The following ATP2C2 variants were observed in gnomAD, a reference collection of about 807,000 sequenced individuals.
The protein encoded by ATP2C2 is ATPase secretory pathway Ca2+ transporting 2.
Under a neutral mutation model 110.8 loss-of-function variants are expected in ATP2C2, and 171 were observed. The observed-to-expected ratio is 1.54, with a 90% CI of 1.36 to 1.75. The LOEUF (loss-of-function observed/expected upper bound fraction) is 1.75, where lower values mean the gene tolerates loss of function less well. Ranked by LOEUF, ATP2C2 falls within the 40% of genes most tolerant of loss-of-function variation. The pLI is 0.00. For missense variants in ATP2C2, 1,963 were observed against 1,235.0 expected, an observed-to-expected ratio of 1.59 and a Z score of -8.84; for synonymous variants, 804 against 508.4, an observed-to-expected ratio of 1.58 and a Z score of -7.82.
chr16:84,380,332 G>A (rs533305179), intron 1 of ATP2C2, among the ~76,000 whole-genome samples: 1 of 152,150 alleles, frequency 6.6e-6, no homozygotes, highest in African/African-American at 2.4e-5. Flanking sequence ...TATCTTGTGT[G>A]AACCGGGAAT....
At chr16:84,436,180 G>A (rs375346849) in intron 11 of ATP2C2, among the ~76,000 whole-genome samples, 4 of 152,192 alleles carry the variant, frequency 2.6e-5, no homozygotes, top group Admixed American at 1.3e-4. Flanking sequence ...TGTTTTGTTT[G>A]AACTGTATCT....
chr16:84,410,170 C>T (rs1173623480), intron 4 of ATP2C2, among the ~76,000 whole-genome samples: 1 of 152,182 alleles, frequency 6.6e-6, no homozygotes, highest in Admixed American at 6.5e-5. Flanking sequence ...GATCACACCA[C>T]TGCACTCCAG....
chr16:84,383,634 C>A (rs939044468), intron 1 of ATP2C2, among the ~76,000 whole-genome samples: 3 of 152,134 alleles, frequency 2.0e-5, no homozygotes, highest in African/African-American at 7.2e-5. Flanking sequence ...GGTCTCTCAG[C>A]ATCGTCAGTA....
rs1479094043 is a variant in ATP2C2 at position 84,410,598 on chromosome 16, A to T, written c.448A>T (p.Ile150Phe). 5 of 1,614,072 alleles carry T rather than the reference A, an allele frequency of 3.1e-6. No individual in the cohort carries two copies. Among genetic ancestry groups the T allele is most frequent in the Non-Finnish European group, 4.2e-6 (5 of 1,180,006 alleles). The part of the protein sequence containing the change: ...AVLVVVTVAF[I>F]QEYRSEKSLE... ...GCTTGTCGTGGTCACTGTCGCCTTC[A>T]TCCAGGTGAGTATTTCCTGAGGTCC... The change falls in exon 5 of 27, where the codon ATC (isoleucine) becomes TTC (phenylalanine). Residue 150 changes from isoleucine (I) to phenylalanine (F), a missense_variant. By Grantham distance (21) the Ile-to-Phe change is conservative (BLOSUM62 0). Coordinates refer to ENST00000262429, the MANE Select transcript of ATP2C2 (RefSeq NM_014861.4).
intron 1 of ATP2C2, among the ~76,000 whole-genome samples, chr16:84,398,032 T>C (rs1159607504): frequency 6.6e-6 from 1 of 151,814 alleles, no homozygotes; most frequent in Non-Finnish European, 1.5e-5. Context: ...TGTTTCTTAA[T>C]TTGGGGGCTG....
intron 20 of ATP2C2, among the ~76,000 whole-genome samples, chr16:84,454,204 A>T (rs79065102): frequency 0.013 from 1,945 of 152,240 alleles, 56 homozygotes; most frequent in African/African-American, 0.045. Flanking sequence ...GCTGATTCAC[A>T]GGGTTGGTAG....
At chr16:84,375,918 G>C (rs944582066) in intron 1 of ATP2C2, among the ~76,000 whole-genome samples, 1 of 152,100 alleles carries the variant, frequency 6.6e-6, no homozygotes, top group African/African-American at 2.4e-5. Flanking sequence ...AGAAAGGATT[G>C]TGGGTTTTTA....
chr16:84,373,795 C>G (rs1023847612), intron 1 of ATP2C2, among the ~76,000 whole-genome samples: 1 of 152,168 alleles, frequency 6.6e-6, no homozygotes, highest in Non-Finnish European at 1.5e-5. Context: ...CACTACTTAT[C>G]TAGTTTTGTT....
chr16:84,454,133 T>C (rs1371487072), intron 20 of ATP2C2, among the ~76,000 whole-genome samples: 2 of 151,900 alleles, frequency 1.3e-5, no homozygotes, highest in East Asian at 1.9e-4. Flanking sequence ...TTTATTCCTT[T>C]TACTCAACTC....
chr16:84,442,506 T>A lies in ATP2C2; in HGVS notation c.1312-4T>A. On this transcript the variant is annotated splice_polypyrimidine_tract_variant and splice_region_variant and intron_variant, in intron 14 of 26. Coordinates refer to ENST00000262429, the MANE Select transcript of ATP2C2 (RefSeq NM_014861.4). ...CTACAGATGTCCGGACAATCCCCTT[T>A]TAGGCGGGCTGTGTTGCCAACAATG... is the stretch of plus-strand genomic sequence containing the variant. The A allele has an allele frequency of 1.9e-6, 3 of 1,613,846 alleles. No homozygotes were observed. The highest frequency in any genetic ancestry group is 2.5e-6 in the Non-Finnish European group (3 of 1,179,806).
intron 23 of ATP2C2, chr16:84,460,142 C>G (rs1911139489): frequency 4.9e-6 from 1 of 203,894 alleles, no homozygotes; most frequent in Non-Finnish European, 1.0e-5. Flanking sequence ...CCTGCCAGCC[C>G]TCCCTGGGAG....
At chr16:84,405,775 C>A (rs1273732528) in intron 3 of ATP2C2, among the ~76,000 whole-genome samples, 1 of 152,064 alleles carries the variant, frequency 6.6e-6, no homozygotes, top group Non-Finnish European at 1.5e-5. Flanking sequence ...TAAAAATTAG[C>A]CGGATGTGGT....
In ATP2C2 at chr16:84,368,738, G is replaced by C. The variant is rs768321768; in HGVS notation, c.99+24G>C. On this transcript the variant is annotated intron_variant, in intron 1 of 26. Coordinates refer to ENST00000262429, the MANE Select transcript of ATP2C2 (RefSeq NM_014861.4). ...TGGTGAGTCCCCGCGACTCCGCGCCGGGCGTGCGACCCGACCCCCCATCCC... is the reference window on the plus strand; with the variant it reads ...TGGTGAGTCCCCGCGACTCCGCGCCCGGCGTGCGACCCGACCCCCCATCCC... 58 of 1,489,342 alleles carry C rather than the reference G, an allele frequency of 3.9e-5. No homozygotes were observed. The Middle Eastern group carries it at 1.0e-3, about 26-fold the overall frequency. The allele number at this position is 1,489,342 out of a possible 1,614,324, so 92.3% of individuals were successfully genotyped here.
Position 84,448,622 on chromosome 16 carries a change from G to A in ATP2C2, c.1593G>A (p.Pro531=), listed in dbSNP as rs141997148. The A allele has an allele frequency of 6.9e-5, 111 of 1,614,008 alleles. No homozygotes were observed. The highest frequency in any genetic ancestry group is 7.9e-5 in the Non-Finnish European group (93 of 1,179,950). The change falls in exon 17 of 27, where the codon CCG becomes CCA. Residue 531 remains proline, a synonymous_variant. Coordinates refer to ENST00000262429, the MANE Select transcript of ATP2C2 (RefSeq NM_014861.4). ...TMYNNGGIPL[P]LTPQQRSFCL... is the part of the protein sequence containing the mutation. ...ACAACAACGGGGGCATCCCCCTGCCGCTGACGCCCCAGCAGAGGTCATTCT... is the reference window on the plus strand; with the variant it reads ...ACAACAACGGGGGCATCCCCCTGCCACTGACGCCCCAGCAGAGGTCATTCT...
intron 23 of ATP2C2, 189 bp downstream of exon 23, chr16:84,459,575 C>T (rs1280733874): frequency 1.6e-5 from 25 of 1,536,170 alleles, no homozygotes; most frequent in African/African-American, 2.7e-5. Flanking sequence ...GAGAAAGTAC[C>T]TGGGCCGGCA....
intron 1 of ATP2C2, among the ~76,000 whole-genome samples, chr16:84,369,633 A>G (rs1196578296): frequency 2.6e-5 from 4 of 152,216 alleles, no homozygotes; most frequent in African/African-American, 9.6e-5. Context: ...CTTCAAAGGT[A>G]AACTTACCTT....
chr16:84,388,993 A>G (rs1904489070), intron 1 of ATP2C2, among the ~76,000 whole-genome samples: 1 of 151,972 alleles, frequency 6.6e-6, no homozygotes, highest in South Asian at 2.1e-4. Flanking sequence ...GATGGTCTCA[A>G]TCTCTTGACC....
intron 13 of ATP2C2, 134 bp downstream of exon 13, chr16:84,439,658 T>C (rs1909067449): frequency 4.8e-6 from 4 of 829,122 alleles, no homozygotes; most frequent in Admixed American, 2.3e-5. Context: ...ATCTCCTTGC[T>C]AACATGACTG....
chr16:84,461,837 G>T, intron 25 of ATP2C2, 25 bp downstream of exon 25: 5 of 1,610,208 alleles, frequency 3.1e-6, no homozygotes, highest in Non-Finnish European at 4.2e-6. Context: ...GACCCTCCTC[G>T]CTGCAGAGCT....
Sources: gnomAD v4.1 joint callset for allele counts (sites outside exome capture counted in the v4.1 genomes callset) on GRCh38, gnomAD v4.1.1 for gene constraint, MANE v1.5 for transcripts, NCBI Gene and HGNC (gene_info 2026-07-23, HGNC 2026-07-21) for gene names.